Variants in ARFGEF1 observed in about 807,000 individuals in gnomAD.
The protein encoded by ARFGEF1 is brefeldin A-inhibited guanine nucleotide-exchange protein 1.
Under a neutral mutation model 231.0 loss-of-function variants are expected in ARFGEF1, and 42 were observed. That is an observed-to-expected ratio of 0.18 (90% CI 0.14 to 0.24). The LOEUF (loss-of-function observed/expected upper bound fraction) is 0.24, where lower values mean the gene tolerates loss of function less well. Among genes scored for constraint, ARFGEF1 ranks in the 10% least tolerant of loss-of-function variants. The probability of loss-of-function intolerance (pLI) is 1.00; values close to 1 mark genes in which losing one functional copy is unlikely to be tolerated. For missense variants in ARFGEF1, 1,345 were observed against 2,192.0 expected, an observed-to-expected ratio of 0.61 and a Z score of 7.72; for synonymous variants, 710 against 732.3, an observed-to-expected ratio of 0.97 and a Z score of 0.49.
chr8:67,315,890 A>G (rs1197262972), intron 1 of ARFGEF1, among the ~76,000 whole-genome samples: 1 of 152,086 alleles, frequency 6.6e-6, no homozygotes, highest in Non-Finnish European at 1.5e-5. Flanking sequence ...AAAAGTCCCA[A>G]ATCTAAGCTC....
Position 67,199,266 on chromosome 8 carries a change from C to T in ARFGEF1, c.5386-168G>A, listed in dbSNP as rs368240842. 45 of 667,096 alleles carry T rather than the reference C, an allele frequency of 6.7e-5. 2 individuals are homozygous for T. Among genetic ancestry groups the T allele is most frequent in the East Asian group, 2.2e-4 (7 of 31,260 alleles). The allele number at this position is 667,096 out of a possible 1,614,324, so 41.3% of individuals were successfully genotyped here. ...CTGAGAGACAGAAGTGTTAGAAAAA[C>T]TCACTTCATACAAACACTATTCACT... On this transcript the variant is annotated intron_variant, in intron 38 of 38. Transcript: ENST00000262215.
chr8:67,228,160 G>A (rs962885299), intron 24 of ARFGEF1, 28 bp from the exon 25 acceptor site: 2 of 1,602,290 alleles, frequency 1.2e-6, no homozygotes, highest in Non-Finnish European at 1.7e-6. Context: ...TTTTTTTTTA[G>A]CTCAACATTA....
Position 67,224,941 on chromosome 8 carries a change from G to A in ARFGEF1, c.4170C>T (p.Ser1390=), listed in dbSNP as rs1345772207. ...RGWFPILFEL[S]CIINRCKLDV... ...CTAATTTGCATCTATTGATGATACA[G>A]GATAACTCAAAGAGAATTGGGAACC... Residue 1390 remains serine (S), a synonymous_variant, in exon 29 of 39, where the codon TCC becomes TCT. Transcript: ENST00000262215. The A allele has an allele frequency of 3.1e-6, 5 of 1,601,904 alleles. No individual in the cohort carries two copies. Among genetic ancestry groups the A allele is most frequent in the Admixed American group, 1.7e-5 (1 of 58,256 alleles).
chr8:67,323,804 CTT>C (rs762347341), intron 1 of ARFGEF1, among the ~76,000 whole-genome samples: 7 of 145,256 alleles, frequency 4.8e-5, no homozygotes, highest in Non-Finnish European at 4.6e-5. Context: ...CAGAAATCTA[CTT>C]TTTTTTTTTT....
Position 67,253,493 on chromosome 8 carries a change from C to G in ARFGEF1, c.2656G>C (p.Glu886Gln). ...GTAGGGATTGTTAGTTCTTTTGTTT[C>G]TTTCATTGATATCTTTTTCCCAGCT... ...EIAGKKISMK[E>Q]TKELTIPTKS... Residue 886 changes from glutamate (E) to glutamine (Q), a missense_variant, in exon 18 of 39, where the codon GAA (glutamate) becomes CAA (glutamine). By Grantham distance (29) the Glu-to-Gln change is conservative. Around this residue, in one of 14 missense-constraint regions of ARFGEF1, gnomAD observed 23 missense variants for 21.6 expected, o/e 1.07. Coordinates refer to ENST00000262215, the MANE Select transcript of ARFGEF1 (RefSeq NM_006421.5). The G allele has an allele frequency of 1.3e-6, 2 of 1,581,772 alleles. No individual in the cohort carries two copies. The highest frequency in any genetic ancestry group is 1.7e-6 in the Non-Finnish European group (2 of 1,153,070).
At chr8:67,258,330 T>TA (rs1563869495) in intron 15 of ARFGEF1, 40 bp from the exon 16 acceptor site, 1 of 293,482 alleles carries the variant, frequency 3.4e-6, no homozygotes, top group South Asian at 8.8e-5. Context: ...ATTTTCTTTC[T>TA]TTTTTTTTTT....
chr8:67,209,880 C>T (rs949377728), intron 34 of ARFGEF1, among the ~76,000 whole-genome samples: 17 of 151,586 alleles, frequency 1.1e-4, no homozygotes, highest in Admixed American at 9.2e-4. Flanking sequence ...CTGCCGGGCA[C>T]GGTGGCTCAT....
intron 18 of ARFGEF1, among the ~76,000 whole-genome samples, chr8:67,251,832 A>T (rs1840293605): frequency 6.6e-6 from 1 of 151,878 alleles, no homozygotes. Context: ...TATGAATTTC[A>T]CCTCAAAAAA....
chr8:67,311,363 T>C, intron 1 of ARFGEF1, among the ~76,000 whole-genome samples: 1 of 116,096 alleles, frequency 8.6e-6, no homozygotes, highest in Non-Finnish European at 1.8e-5. Context: ...CCGCCCCTAC[T>C]GGGAAGTGAG....
Position 67,216,642 on chromosome 8 carries a change from T to C in ARFGEF1, c.4634A>G (p.Asn1545Ser), listed in dbSNP as rs761394814. 3.1e-6 allele frequency: 5 copies of C among 1,609,026 alleles called. No homozygotes were observed. The highest frequency in any genetic ancestry group is 2.2e-5 in the South Asian group (2 of 90,188). The change falls in exon 33 of 39, where the codon AAT becomes AGT. Residue 1545 changes from asparagine to serine, a missense_variant. Coordinates refer to ENST00000262215, the MANE Select transcript of ARFGEF1 (RefSeq NM_006421.5). Reference sequence around the variant, plus strand: ...AGGTGGGGGGGCAGTTTCTCCAGAATTGGGTCGCCAGGTCAACAGCCTTTA... The same window carrying C: ...AGGTGGGGGGGCAGTTTCTCCAGAACTGGGTCGCCAGGTCAACAGCCTTTA... The part of the protein sequence containing the change: ...IPHALLTWRP[N>S]SGETAPPPPS...
In ARFGEF1 at chr8:67,294,179, G is replaced by A. The variant is rs1015495433; in HGVS notation, c.640-2056C>T. Among the ~76,000 whole-genome samples, 9 of 152,222 alleles carry A rather than the reference G, an allele frequency of 5.9e-5. No homozygotes were observed. In the South Asian group the frequency reaches 1.9e-3, roughly 32 times the overall value. ...GATTTAAAGTATACAGAGGATGTGT[G>A]TAGCTTATATGCAAATATTACACCA... On this transcript the variant is annotated intron_variant, in intron 5 of 38. Coordinates refer to ENST00000262215, the MANE Select transcript of ARFGEF1 (RefSeq NM_006421.5).
In ARFGEF1 at chr8:67,325,136, C is replaced by T. The variant is rs1176724892; in HGVS notation, c.124+18028G>A. 2.6e-5 allele frequency among the ~76,000 whole-genome samples: 4 copies of T among 152,018 alleles called. No homozygotes were observed. The East Asian group carries it at 7.7e-4, about 29-fold the overall frequency. On this transcript the variant is annotated intron_variant, in intron 1 of 38. Transcript: ENST00000262215. ...CCATGATGGTCAGGCTGGTCTTGAA[C>T]TCCTGACCTCAGGTGATCCACCCAC...
rs771330319 is a variant in ARFGEF1 at position 67,203,110 on chromosome 8, C to T, written c.5101G>A (p.Glu1701Lys). ...GCTTTCCACAGGGCAGTCCTCTGTT[C>T]GTTGTTGGAATTAAACGCTTTTGCA... is the stretch of plus-strand genomic sequence containing the variant. ...RFAKAFNSNNEQRTALWKAGF... is the reference protein window; with the variant it reads ...RFAKAFNSNNKQRTALWKAGF... Residue 1701 changes from glutamate to lysine, a missense_variant, in exon 36 of 39, where the codon GAA (glutamate) becomes AAA (lysine). Transcript: ENST00000262215. The T allele has an allele frequency of 6.2e-6, 10 of 1,613,732 alleles. No individual in the cohort carries two copies. The highest frequency in any genetic ancestry group is 4.5e-5 in the East Asian group (2 of 44,898).
chr8:67,317,498 A>G (rs1046244504), intron 1 of ARFGEF1, among the ~76,000 whole-genome samples: 1 of 152,090 alleles, frequency 6.6e-6, no homozygotes, highest in Non-Finnish European at 1.5e-5. Flanking sequence ...AATATCACTC[A>G]TGAATATAGA....
At chr8:67,288,093 C>T (rs1418114038) in intron 6 of ARFGEF1, 28 bp from the exon 7 acceptor site, 1 of 1,476,358 alleles carries the variant, frequency 6.8e-7, no homozygotes, top group East Asian at 2.4e-5. Context: ...TTCAACAGAA[C>T]ATTATTTTAA....
chr8:67,196,746 C>G (rs1838007822), downstream of ARFGEF1, among the ~76,000 whole-genome samples: 1 of 152,124 alleles, frequency 6.6e-6, no homozygotes, highest in African/African-American at 2.4e-5. Flanking sequence ...GGGAAGAGTC[C>G]TGATACTACA....
intron 8 of ARFGEF1, 121 bp downstream of exon 8, chr8:67,277,161 C>A: frequency 1.5e-5 from 15 of 1,014,902 alleles, no homozygotes; most frequent in East Asian, 5.4e-5. Flanking sequence ...TTCTTATTTC[C>A]CCAAACTAAA....
chr8:67,259,934 A>G lies in ARFGEF1; in HGVS notation c.2124-8T>C, dbSNP rs1840586664. 1.4e-5 allele frequency: 22 copies of G among 1,547,564 alleles called. No homozygotes were observed. The highest frequency in any genetic ancestry group is 2.8e-5 in the African/African-American group (2 of 72,542). Reference sequence around the variant, plus strand: ...TTTGGTTTCTTATTAAATCTAGATGATGTTAAATAAGAACATTAAAAATAG... The same window carrying G: ...TTTGGTTTCTTATTAAATCTAGATGGTGTTAAATAAGAACATTAAAAATAG... On this transcript the variant is annotated splice_polypyrimidine_tract_variant and splice_region_variant and intron_variant, in intron 14 of 38. Transcript: ENST00000262215.
chr8:67,236,591 G>GGGAGGGCTCTGCCCAACA (rs374669971), intron 22 of ARFGEF1, among the ~76,000 whole-genome samples: 11 of 151,980 alleles, frequency 7.2e-5, no homozygotes, highest in African/African-American at 2.4e-4. Flanking sequence ...ACGGCCCAAC[G>GGGAGGGCTCTGCCCAACA]GGAGGGCTCT....
Sources: gnomAD v4.1 joint callset for allele counts (sites outside exome capture counted in the v4.1 genomes callset) on GRCh38, gnomAD v4.1.1 for gene constraint, gnomAD v4.1.1 regional missense constraint, MANE v1.5 for transcripts, NCBI Gene and HGNC (gene_info 2026-07-23, HGNC 2026-07-21) for gene names.